MYH9: variants seen among roughly 807,000 people sequenced by gnomAD.
MYH9 encodes the protein myosin heavy chain 9.
In MYH9, 29 loss-of-function variants were observed where a neutral mutation model predicts 241.9. That is an observed-to-expected ratio of 0.12 (90% CI 0.09 to 0.16). The LOEUF (loss-of-function observed/expected upper bound fraction) is 0.16. MYH9 is among the 10% of genes least tolerant of loss of function. MYH9 has a pLI of 1.00. For missense variants in MYH9, 1,803 were observed against 2,595.5 expected (o/e 0.69, Z 6.63); for synonymous variants, 1,047 against 1,062.6 (o/e 0.99, Z 0.29).
chr22:36,296,733 A>T, intron 25 of MYH9, 110 bp downstream of exon 25: 1 of 1,274,344 alleles, frequency 7.8e-7, no homozygotes, highest in Non-Finnish European at 1.1e-6. Context: ...TTTTAAGACA[A>T]CAGTGGAAAG....
chr22:36,291,659 C>A (rs1168494292), intron 31 of MYH9, among the ~76,000 whole-genome samples: 2 of 135,940 alleles, frequency 1.5e-5, no homozygotes, highest in Non-Finnish European at 3.1e-5. Context: ...GCGAGAAACA[C>A]CCAAGAATGA....
At chr22:36,372,719 C>T (rs752765176) in intron 1 of MYH9, among the ~76,000 whole-genome samples, 6 of 151,982 alleles carry the variant, frequency 3.9e-5, no homozygotes, top group Admixed American at 6.6e-5. Flanking sequence ...ACAAGGGCAG[C>T]GGTGGCCACT....
In MYH9 at chr22:36,282,327, T is replaced by C. The variant is rs1403536586; in HGVS notation, c.*341A>G. 4.3e-6 allele frequency: 2 copies of C among 468,210 alleles called. No homozygotes were observed. The highest frequency in any genetic ancestry group is 2.7e-5 in the South Asian group (1 of 37,714). The allele number at this position is 468,210 out of a possible 1,614,324, so 29.0% of individuals were successfully genotyped here. On this transcript the variant is annotated 3_prime_UTR_variant, in exon 41 of 41. Coordinates refer to ENST00000216181, the MANE Select transcript of MYH9 (RefSeq NM_002473.6). ...AGAAAAATAGATTCATAGAAAACTCTGGCCCCTCCCCGGGGGCCTGCCCTG... is the reference window on the plus strand; with the variant it reads ...AGAAAAATAGATTCATAGAAAACTCCGGCCCCTCCCCGGGGGCCTGCCCTG...
At chr22:36,311,130 G>T (rs1406336471) in intron 14 of MYH9, among the ~76,000 whole-genome samples, 3 of 152,208 alleles carry the variant, frequency 2.0e-5, no homozygotes, top group Non-Finnish European at 4.4e-5. Flanking sequence ...CGCAGCCCCT[G>T]CCTAATCACA....
intron 3 of MYH9, among the ~76,000 whole-genome samples, chr22:36,339,614 AG>A: frequency 6.6e-6 from 1 of 152,368 alleles, no homozygotes; most frequent in Non-Finnish European, 1.5e-5. Flanking sequence ...GGTGGAGGAC[AG>A]GCTGCAAGCT....
intron 14 of MYH9, among the ~76,000 whole-genome samples, chr22:36,310,635 T>C (rs1203989752): frequency 6.6e-6 from 1 of 152,244 alleles, no homozygotes; most frequent in Non-Finnish European, 1.5e-5. Context: ...AGGTAGGTGA[T>C]GCCAGTTTCC....
At chr22:36,331,901 G>A (rs1403120025) in intron 3 of MYH9, among the ~76,000 whole-genome samples, 1 of 152,242 alleles carries the variant, frequency 6.6e-6, no homozygotes, top group Non-Finnish European at 1.5e-5. Flanking sequence ...CGTTGGGTGA[G>A]ACTGATGGGA....
At chr22:36,356,195 AAC>A (rs904064413) in intron 1 of MYH9, among the ~76,000 whole-genome samples, 1 of 152,158 alleles carries the variant, frequency 6.6e-6, no homozygotes, top group Non-Finnish European at 1.5e-5. Flanking sequence ...CATCCTGGAG[AAC>A]ACAGGTGAAC....
intron 1 of MYH9, among the ~76,000 whole-genome samples, chr22:36,376,666 T>C (rs2018171748): frequency 6.6e-6 from 1 of 151,620 alleles, no homozygotes; most frequent in African/African-American, 2.4e-5. Context: ...CCACCACCTT[T>C]CTCCTCCCAG....
intron 5 of MYH9, chr22:36,325,089 C>T (rs757265506): frequency 1.3e-6 from 1 of 775,030 alleles, no homozygotes; most frequent in Non-Finnish European, 2.4e-6. Flanking sequence ...CTAGAGAACT[C>T]CTAACCTCAC....
chr22:36,320,072 G>A lies in MYH9; in HGVS notation c.1012+148C>T. On this transcript the variant is annotated intron_variant, in intron 9 of 40. Transcript: ENST00000216181. This position sits in a 1 kb window ranked among gnomAD's most constrained non-coding sequence, Gnocchi z 4.8. ...AAATAACCTTGAACCTCAAATCTGAGGAATCATTTTCCCATACACTGAAGG... is the reference window on the plus strand; with the variant it reads ...AAATAACCTTGAACCTCAAATCTGAAGAATCATTTTCCCATACACTGAAGG... The A allele has an allele frequency of 9.2e-7, 1 of 1,089,202 alleles. No homozygotes were observed. The highest frequency in any genetic ancestry group is 1.3e-6 in the Non-Finnish European group (1 of 744,326). The allele number at this position is 1,089,202 out of a possible 1,614,324, so 67.5% of individuals were successfully genotyped here. A position where few individuals can be genotyped will look rare whatever the true frequency, so the allele number is the denominator to read the frequency against.
chr22:36,343,106 G>A (rs2017615282), intron 2 of MYH9, among the ~76,000 whole-genome samples: 1 of 152,130 alleles, frequency 6.6e-6, no homozygotes, highest in African/African-American at 2.4e-5. Flanking sequence ...CAAAGACAGG[G>A]TCCACATAGG....
At chr22:36,336,647 C>T (rs1281812292) in intron 3 of MYH9, among the ~76,000 whole-genome samples, 1 of 152,200 alleles carries the variant, frequency 6.6e-6, no homozygotes, top group Non-Finnish European at 1.5e-5. Flanking sequence ...GGTGAACCGA[C>T]CATGTCACCC....
rs1460236769 is a variant in MYH9 at position 36,302,574 on chromosome 22, G to A, written c.2493C>T (p.Phe831=). ...KLRNWQWWRL[F]TKVKPLLQVS... The stretch of plus-strand genomic sequence containing the variant: ...AGGCCCTTCTAGCACGCACCTTGGT[G>A]AAGAGCCGCCACCACTGCCAGTTCC... The change falls in exon 20 of 41, where the codon TTC becomes TTT. Residue 831 remains phenylalanine (F), a synonymous_variant. Transcript: ENST00000216181. The A allele has an allele frequency of 1.1e-5, 17 of 1,612,870 alleles. No individual in the cohort carries two copies. Among genetic ancestry groups the A allele is most frequent in the Non-Finnish European group, 1.4e-5 (17 of 1,179,890 alleles).
In MYH9 at chr22:36,305,869, T is replaced by C. The variant is rs2016959738; in HGVS notation, c.2159+61A>G. The C allele has an allele frequency of 3.7e-6, 6 of 1,609,154 alleles. No individual in the cohort carries two copies. Among genetic ancestry groups the C allele is most frequent in the Non-Finnish European group, 5.1e-6 (6 of 1,178,150 alleles). ...TCCTGCCAGGGAGCAGCAGCCCACC[T>C]CTGGGACTCACTGCACGCACAGCAG... On this transcript the variant is annotated intron_variant, in intron 17 of 40. Coordinates refer to ENST00000216181, the MANE Select transcript of MYH9 (RefSeq NM_002473.6). This position sits in a 1 kb window ranked among gnomAD's most constrained non-coding sequence, Gnocchi z 4.7.
chr22:36,328,771 G>A (rs1034803352), intron 3 of MYH9: 4 of 152,228 alleles, frequency 2.6e-5, no homozygotes, highest in Admixed American at 6.5e-5. Flanking sequence ...GTGGAAACAC[G>A]GATTCAGCGA....
In MYH9 at chr22:36,292,177, C is replaced by T. The variant is rs1175227715; in HGVS notation, c.4153G>A (p.Glu1385Lys). The change falls in exon 31 of 41, where the codon GAG becomes AAG. Residue 1385 changes from glutamate (E) to lysine (K), a missense_variant. By Grantham distance (56) the Glu-to-Lys change is moderately conservative (BLOSUM62 1). Transcript: ENST00000216181. ...DSVGCLETAE[E>K]VKRKLQKDLE... The stretch of plus-strand genomic sequence containing the variant: ...TCCTTCTGGAGCTTCCTCTTCACCT[C>T]CTCAGCAGTTTCCAGGCACCCCACA... The T allele has an allele frequency of 1.2e-6, 2 of 1,614,148 alleles. No individual in the cohort carries two copies. The highest frequency in any genetic ancestry group is 1.7e-6 in the Non-Finnish European group (2 of 1,180,038).
At chr22:36,387,761 CCCG>C in intron 1 of MYH9, 43 bp downstream of exon 1, 1 of 152,140 alleles carries the variant, frequency 6.6e-6, no homozygotes, top group Non-Finnish European at 1.5e-5. Flanking sequence ...CCCCCGCCCG[CCCG>C]CCGCCGCCTG....
chr22:36,297,256 CT>C, intron 24 of MYH9: 1 of 555,286 alleles, frequency 1.8e-6, no homozygotes, highest in Non-Finnish European at 3.2e-6. Flanking sequence ...ATTAAGTACT[CT>C]CCTAAAGCTG....
Sources: allele counts gnomAD v4.1 joint callset (sites outside exome capture counted in the v4.1 genomes callset), GRCh38; gene constraint gnomAD v4.1.1; non-coding constraint Gnocchi (gnomAD v3.1); transcripts MANE v1.5; gene names NCBI Gene and HGNC (gene_info 2026-07-23, HGNC 2026-07-21).